Variants in ZNF519 observed in about 807,000 individuals in gnomAD.
ZNF519 encodes similar to Zinc finger protein 85 (Zinc finger protein HPF4) (HTF1).
In ZNF519, 7 loss-of-function variants were observed where a neutral mutation model predicts 7.4. The observed-to-expected ratio is 0.94, with a 90% confidence interval of 0.54 to 1.77. The LOEUF is 1.77. Ranked by LOEUF, ZNF519 falls within the 40% of genes most tolerant of loss-of-function variation. The pLI, the probability that ZNF519 is intolerant of heterozygous loss-of-function variation, is 0.00. For synonymous variants in ZNF519, 179 were observed against 203.3 expected (o/e 0.88, Z 1.02); for missense variants, 586 against 623.1 (o/e 0.94, Z 0.63).
At chr18:14,080,100 C>T (rs1186062209) in intron 3 of ZNF519, 1 of 151,890 alleles carries the variant, frequency 6.6e-6, no homozygotes, top group African/African-American at 2.4e-5. Flanking sequence ...AGAAGACACA[C>T]AGATGACAAA....
chr18:14,127,735 C>T (rs1489462664), intron 1 of ZNF519, among the ~76,000 whole-genome samples: 1 of 152,104 alleles, frequency 6.6e-6, no homozygotes, highest in African/African-American at 2.4e-5. Flanking sequence ...TGGAGGTGGA[C>T]TACTTGACTG....
chr18:14,132,310 C>T lies in ZNF519; in HGVS notation c.-33G>A. 6.2e-7 allele frequency: 1 copy of T among 1,613,356 alleles called. No homozygotes were observed. The highest frequency in any genetic ancestry group is 8.5e-7 in the Non-Finnish European group (1 of 1,179,452). ...CTTCAGGGGTGTCCTGGAGTCTTAGCTATAAATCATTCAATGCCAGCAGGT... is the reference window on the plus strand; with the variant it reads ...CTTCAGGGGTGTCCTGGAGTCTTAGTTATAAATCATTCAATGCCAGCAGGT... On this transcript the variant is annotated 5_prime_UTR_variant, in exon 1 of 3. Transcript: ENST00000590202.
intron 2 of ZNF519, among the ~76,000 whole-genome samples, chr18:14,094,563 G>T (rs770596219): frequency 1.3e-5 from 2 of 152,170 alleles, no homozygotes; most frequent in South Asian, 4.1e-4. Context: ...TCATTCTGCT[G>T]ATGTGATGTA....
intron 2 of ZNF519, among the ~76,000 whole-genome samples, chr18:14,118,258 C>CCAT (rs2046255270): frequency 6.6e-6 from 1 of 152,014 alleles, no homozygotes; most frequent in Admixed American, 6.6e-5. Flanking sequence ...CGGGGTTTCA[C>CCAT]CATGTTAGCC....
intron 4 of ZNF519, among the ~76,000 whole-genome samples, chr18:14,077,910 G>A (rs1462809947): frequency 2.0e-5 from 3 of 152,240 alleles, no homozygotes; most frequent in South Asian, 2.1e-4. Context: ...AATAGGTTAC[G>A]GTGCAAATAG....
At chr18:14,132,205 C>A in intron 1 of ZNF519, 70 bp downstream of exon 1, 1 of 1,584,990 alleles carries the variant, frequency 6.3e-7, no homozygotes, top group Middle Eastern at 1.8e-4. Flanking sequence ...TAGGTCCCGT[C>A]ACCGCCATGT....
At chr18:14,120,899 A>G (rs1300311092) in intron 2 of ZNF519, among the ~76,000 whole-genome samples, 4 of 152,156 alleles carry the variant, frequency 2.6e-5, no homozygotes, top group African/African-American at 9.6e-5. Context: ...TAGCACCTTG[A>G]AGAAGTATCT....
intron 1 of ZNF519, among the ~76,000 whole-genome samples, chr18:14,126,765 G>A (rs1299356270): frequency 6.6e-6 from 1 of 152,182 alleles, no homozygotes; most frequent in Admixed American, 6.5e-5. Flanking sequence ...TTCTGTGAGG[G>A]GAGGAACAAA....
chr18:14,104,884 G>A lies in ZNF519; in HGVS notation c.*33C>T, dbSNP rs1567946795. On this transcript the variant is annotated 3_prime_UTR_variant, in exon 3 of 3. Coordinates refer to ENST00000590202, the MANE Select transcript of ZNF519 (RefSeq NM_145287.4). ...GAGTAAGGTGTGAGCACCAGTTTAG[G>A]GTTTTAGCACATTCTTTACACTTGC... 1 of 1,493,476 alleles carries A rather than the reference G, an allele frequency of 6.7e-7. No individual in the cohort carries two copies. The highest frequency in any genetic ancestry group is 8.9e-7 in the Non-Finnish European group (1 of 1,121,762). The allele number at this position is 1,493,476 out of a possible 1,614,324, so 92.5% of individuals were successfully genotyped here.
chr18:14,131,328 T>C (rs2046328885), intron 1 of ZNF519, among the ~76,000 whole-genome samples: 2 of 152,214 alleles, frequency 1.3e-5, no homozygotes, highest in Admixed American at 1.3e-4. Flanking sequence ...AAGTGATTAA[T>C]TCAAATACTG....
At chr18:14,120,165 T>C (rs1462433421) in intron 2 of ZNF519, among the ~76,000 whole-genome samples, 1 of 152,110 alleles carries the variant, frequency 6.6e-6, no homozygotes, top group Non-Finnish European at 1.5e-5. Context: ...AAGGTTATAG[T>C]AATGAAAAGA....
chr18:14,113,463 T>A (rs1286917739), intron 2 of ZNF519, among the ~76,000 whole-genome samples: 2 of 152,270 alleles, frequency 1.3e-5, no homozygotes, highest in East Asian at 3.9e-4. Flanking sequence ...AAGTCTCATG[T>A]CTCCCTAAAA....
Position 14,102,781 on chromosome 18 carries a change from A to T in ZNF519, c.*2136T>A, listed in dbSNP as rs1258807910. 2 of 152,140 alleles carry T rather than the reference A, an allele frequency of 1.3e-5. No homozygotes were observed. The highest frequency in any genetic ancestry group is 3.8e-4 in the East Asian group (2 of 5,202). 9.4% of individuals were successfully genotyped at this position (152,140 alleles called of 1,614,324 possible). A position where few individuals can be genotyped will look rare whatever the true frequency, so the allele number is the denominator to read the frequency against. On this transcript the variant is annotated 3_prime_UTR_variant, in exon 3 of 3. Transcript: ENST00000590202. The stretch of plus-strand genomic sequence containing the variant: ...AATAAAACAATAAAACTAAATTAAG[A>T]CAATATTTTAAAAATTCAATCCAAA...
rs948721003 is a variant in ZNF519 at position 14,106,474 on chromosome 18, C to T, written c.131-65G>A. ...TTTCAGTTGAATATACTTTACAAAT[C>T]TAATATGAAATTTTGCCAAGCTGAG... On this transcript the variant is annotated intron_variant, in intron 2 of 2. Coordinates refer to ENST00000590202, the MANE Select transcript of ZNF519 (RefSeq NM_145287.4). The T allele has an allele frequency of 1.1e-5, 16 of 1,405,062 alleles. No homozygotes were observed. The African/African-American group carries it at 2.2e-4, about 19-fold the overall frequency. 87.0% of individuals were successfully genotyped at this position (1,405,062 alleles called of 1,614,324 possible).
At chr18:14,086,775 C>T (rs1280721517) in intron 2 of ZNF519, among the ~76,000 whole-genome samples, 1 of 152,070 alleles carries the variant, frequency 6.6e-6, no homozygotes. Context: ...AGGCTTAGAG[C>T]GCCCTCTAAT....
intron 1 of ZNF519, among the ~76,000 whole-genome samples, chr18:14,126,834 G>T (rs2046301476): frequency 6.6e-6 from 1 of 152,192 alleles, no homozygotes; most frequent in Non-Finnish European, 1.5e-5. Flanking sequence ...CTTGTAGTCA[G>T]ACTGACCCCA....
intron 2 of ZNF519, among the ~76,000 whole-genome samples, chr18:14,085,598 G>A (rs971095252): frequency 7.9e-5 from 12 of 152,082 alleles, no homozygotes; most frequent in Admixed American, 3.9e-4. Flanking sequence ...TAAGAAAAGA[G>A]GCATTGAAGA....
At chr18:14,085,201 T>A (rs1324528557) in intron 2 of ZNF519, 1 of 152,178 alleles carries the variant, frequency 6.6e-6, no homozygotes, top group South Asian at 2.1e-4. Flanking sequence ...ATGCACACAC[T>A]CTGAATACAT....
chr18:14,086,661 A>G (rs551183791), intron 2 of ZNF519, among the ~76,000 whole-genome samples: 1 of 152,312 alleles, frequency 6.6e-6, no homozygotes, highest in Admixed American at 6.5e-5. Flanking sequence ...TTCCGGCCCC[A>G]GGCAGAAACG....
Sources: gnomAD v4.1 joint callset for allele counts (sites outside exome capture counted in the v4.1 genomes callset) on GRCh38, gnomAD v4.1.1 for gene constraint, MANE v1.5 for transcripts, NCBI Gene and HGNC (gene_info 2026-07-23, HGNC 2026-07-21) for gene names.